ADAMTS20: variants seen among roughly 807,000 people sequenced by gnomAD.
ADAMTS20 encodes the protein ADAM metallopeptidase with thrombospondin type 1 motif 20.
ADAMTS20 carries 225 observed loss-of-function variants against 260.1 expected under a neutral mutation model. The ratio of observed to expected loss-of-function variants is 0.87; its 90% CI spans 0.78 to 0.97. The LOEUF (loss-of-function observed/expected upper bound fraction) is 0.97. Among genes scored for constraint, ADAMTS20 ranks in the 50% least tolerant of loss-of-function variants. ADAMTS20 has a pLI of 0.00. For synonymous variants in ADAMTS20, 802 were observed against 769.5 expected (o/e 1.04, Z -0.70); for missense variants, 2,400 against 2,337.7 (o/e 1.03, Z -0.55).
At chr12:43,432,524 A>G (rs954239928) in intron 20 of ADAMTS20, 56 bp from the exon 21 acceptor site, 395 of 1,595,748 alleles carry the variant, frequency 2.5e-4, no homozygotes, top group Non-Finnish European at 3.2e-4. Flanking sequence ...TTTCAACAAA[A>G]TTATACTTCA....
chr12:43,519,595 T>C (rs1242582983), intron 3 of ADAMTS20, among the ~76,000 whole-genome samples: 1 of 152,170 alleles, frequency 6.6e-6, no homozygotes, highest in Non-Finnish European at 1.5e-5. Context: ...CACTCTCATA[T>C]TCTAACGTGG....
At chr12:43,404,141 A>G (rs1398470963) in intron 28 of ADAMTS20, among the ~76,000 whole-genome samples, 1 of 151,400 alleles carries the variant, frequency 6.6e-6, no homozygotes, top group Non-Finnish European at 1.5e-5. Flanking sequence ...TTTCTTTTCC[A>G]GACTATAAAA....
chr12:43,455,542 G>A (rs1374307046), intron 11 of ADAMTS20, among the ~76,000 whole-genome samples: 6 of 152,098 alleles, frequency 3.9e-5, no homozygotes, highest in African/African-American at 1.4e-4. Context: ...TGAGGGAAGA[G>A]CCATTATGCC....
chr12:43,521,140 C>T (rs1565580520), intron 3 of ADAMTS20, among the ~76,000 whole-genome samples: 1 of 152,264 alleles, frequency 6.6e-6, no homozygotes, highest in Non-Finnish European at 1.5e-5. Context: ...CGTAAGCTTG[C>T]CAATTAGTTG....
At chr12:43,473,535 T>A (rs1369113121) in intron 7 of ADAMTS20, among the ~76,000 whole-genome samples, 4 of 8,012 alleles carry the variant, frequency 5.0e-4, no homozygotes, top group Non-Finnish European at 3.9e-4. Context: ...AGAATATACA[T>A]TTTTTTCAGC....
intron 29 of ADAMTS20, among the ~76,000 whole-genome samples, 183 bp from the exon 30 acceptor site, chr12:43,384,160 G>C (rs1940420102): frequency 6.6e-6 from 1 of 152,088 alleles, no homozygotes; most frequent in South Asian, 2.1e-4. Flanking sequence ...TATTTTCCCT[G>C]TTTGGCATAA....
At chr12:43,500,147 G>C (rs867790144) in intron 4 of ADAMTS20, among the ~76,000 whole-genome samples, 1 of 151,750 alleles carries the variant, frequency 6.6e-6, no homozygotes, top group South Asian at 2.1e-4. Flanking sequence ...TCCAGCCTCA[G>C]CCTCCCAAGT....
rs556416774 is a variant in ADAMTS20, at chr12:43,429,690, T to A, written c.3416A>T (p.Lys1139Ile). 2.0e-3 allele frequency: 3,216 copies of A among 1,594,000 alleles called. 93 individuals carry two copies. In the South Asian group the frequency reaches 0.035, roughly 17 times the overall value. Residue 1139 changes from lysine to isoleucine, a missense_variant, in exon 24 of 39, where the codon AAA becomes ATA. Coordinates refer to ENST00000389420, the MANE Select transcript of ADAMTS20 (RefSeq NM_025003.5). ...CVLTPCSFISKLETALLPTVL... is the reference protein window; with the variant it reads ...CVLTPCSFISILETALLPTVL... Reference sequence around the variant, plus strand: ...AGTTGGTAATAAAGCGGTCTCAAGTTTAGAAATAAATGAGCAAGGTGTAAG... The same window carrying A: ...AGTTGGTAATAAAGCGGTCTCAAGTATAGAAATAAATGAGCAAGGTGTAAG...
chr12:43,507,237 T>C lies in ADAMTS20; in HGVS notation c.614-4832A>G, dbSNP rs772288203. 3.3e-5 allele frequency among the ~76,000 whole-genome samples: 5 copies of C among 152,188 alleles called. 1 individual carries two copies. Among genetic ancestry groups the C allele is most frequent in the South Asian group, 4.1e-4 (2 of 4,832 alleles). On this transcript the variant is annotated intron_variant, in intron 3 of 38. Transcript: ENST00000389420. ...CTTGAATATATACAGTTTTTATCAA[T>C]GAATTATACATCAATAAAGCTGGGG...
intron 28 of ADAMTS20, among the ~76,000 whole-genome samples, chr12:43,406,619 A>T (rs980628445): frequency 6.6e-6 from 1 of 152,078 alleles, no homozygotes; most frequent in Non-Finnish European, 1.5e-5. Flanking sequence ...CTATAATAAC[A>T]TTCTCTAAAT....
Position 43,375,524 on chromosome 12 carries a change from T to C in ADAMTS20, c.5313-12A>G, listed in dbSNP as rs775540762. The C allele has an allele frequency of 1.7e-5, 27 of 1,612,040 alleles. No individual in the cohort carries two copies. The highest frequency in any genetic ancestry group is 1.7e-4 in the Middle Eastern group (1 of 6,050). Reference sequence around the variant, plus strand: ...ATGGATTTTTTAGTCTGTAACAACATTGGGATATTTTAGTATTAGATGCAG... The same window carrying C: ...ATGGATTTTTTAGTCTGTAACAACACTGGGATATTTTAGTATTAGATGCAG... On this transcript the variant is annotated splice_polypyrimidine_tract_variant and intron_variant, in intron 35 of 38. Coordinates refer to ENST00000389420, the MANE Select transcript of ADAMTS20 (RefSeq NM_025003.5).
At position 43,428,685 on chromosome 12, in the gene ADAMTS20, A is replaced by G; in HGVS notation, c.3604T>C (p.Trp1202Arg). The G allele has an allele frequency of 6.2e-7, 1 of 1,611,434 alleles. No individual in the cohort carries two copies. Among genetic ancestry groups the G allele is most frequent in the Non-Finnish European group, 8.5e-7 (1 of 1,178,242 alleles). ...CAHLPRPAEIWDCFTPCGEWQ... is the reference protein window; with the variant it reads ...CAHLPRPAEIRDCFTPCGEWQ... Reference sequence around the variant, plus strand: ...TCTCCACAAGGGGTAAAACAGTCCCATATTTCAGCAGGTCGGGGTAAGTGG... The same window carrying G: ...TCTCCACAAGGGGTAAAACAGTCCCGTATTTCAGCAGGTCGGGGTAAGTGG... Residue 1202 changes from tryptophan to arginine, a missense_variant, in exon 25 of 39, where the codon TGG becomes CGG. Trp to Arg is a moderately radical substitution (Grantham distance 101). Transcript: ENST00000389420.
At chr12:43,391,668 T>C (rs1295903311) in intron 29 of ADAMTS20, among the ~76,000 whole-genome samples, 2 of 152,180 alleles carry the variant, frequency 1.3e-5, no homozygotes, top group Non-Finnish European at 2.9e-5. Context: ...TTCCCAACTG[T>C]AATATTATAA....
chr12:43,532,643 C>T (rs374084984), intron 2 of ADAMTS20, among the ~76,000 whole-genome samples: 27 of 108,836 alleles, frequency 2.5e-4, no homozygotes, highest in Non-Finnish European at 4.1e-4. Flanking sequence ...CATGCTGGTG[C>T]GCTGCACCCA....
intron 3 of ADAMTS20, among the ~76,000 whole-genome samples, chr12:43,530,745 A>G (rs1479389713): frequency 6.6e-6 from 1 of 152,108 alleles, no homozygotes; most frequent in Admixed American, 6.6e-5. Context: ...TGTACCTTAT[A>G]TGGACACAAC....
At chr12:43,536,747 A>C (rs1592115345) in intron 2 of ADAMTS20, among the ~76,000 whole-genome samples, 1 of 152,366 alleles carries the variant, frequency 6.6e-6, no homozygotes, top group East Asian at 1.9e-4. Context: ...GGAGATACAG[A>C]GTAGCAGATG....
intron 2 of ADAMTS20, among the ~76,000 whole-genome samples, chr12:43,543,458 A>G (rs1943403590): frequency 6.6e-6 from 1 of 152,178 alleles, no homozygotes; most frequent in African/African-American, 2.4e-5. Flanking sequence ...AGTTGGGGTT[A>G]GGGTTGCAGT....
intron 31 of ADAMTS20, among the ~76,000 whole-genome samples, chr12:43,379,977 C>G (rs1213981954): frequency 7.4e-6 from 1 of 135,148 alleles, no homozygotes; most frequent in Non-Finnish European, 1.5e-5. Context: ...CAAATCCAGA[C>G]AGACATCACA....
chr12:43,542,085 G>T (rs1943383935), intron 2 of ADAMTS20, among the ~76,000 whole-genome samples: 1 of 152,070 alleles, frequency 6.6e-6, no homozygotes, highest in South Asian at 2.1e-4. Flanking sequence ...TCATTCTTGT[G>T]GGCACTGAGG....
Sources: allele counts gnomAD v4.1 joint callset (sites outside exome capture counted in the v4.1 genomes callset), GRCh38; gene constraint gnomAD v4.1.1; transcripts MANE v1.5; gene names NCBI Gene and HGNC (gene_info 2026-07-23, HGNC 2026-07-21).